ACAD10: variants seen among roughly 807,000 people sequenced by gnomAD.
ACAD10 encodes the protein acyl-CoA dehydrogenase family member 10.
Under a neutral mutation model 116.8 loss-of-function variants are expected in ACAD10, and 112 were observed. The observed-to-expected ratio is 0.96, with a 90% confidence interval of 0.82 to 1.12. The LOEUF (loss-of-function observed/expected upper bound fraction) is 1.12. ACAD10 is among the 50% of genes most tolerant of loss of function. ACAD10 has a pLI of 0.00. For synonymous variants in ACAD10, 486 were observed against 510.6 expected (o/e 0.95, Z 0.65); for missense variants, 1,259 against 1,350.2 (o/e 0.93, Z 1.06).
chr12:111,704,874 A>G (rs1888455022), intron 3 of ACAD10, among the ~76,000 whole-genome samples: 1 of 151,336 alleles, frequency 6.6e-6, no homozygotes, highest in South Asian at 2.1e-4. Flanking sequence ...TTTTTAGTAG[A>G]TAAGGGGTTT....
At chr12:111,707,517 G>A (rs1364220761) in intron 4 of ACAD10, among the ~76,000 whole-genome samples, 3 of 152,204 alleles carry the variant, frequency 2.0e-5, no homozygotes, top group South Asian at 4.1e-4. Flanking sequence ...GAGTTGTGAT[G>A]GATCAGAAGG....
chr12:111,692,850 C>T lies in ACAD10; in HGVS notation c.141C>T (p.Phe47=), dbSNP rs1039408402. 1.3e-5 allele frequency: 21 copies of T among 1,614,058 alleles called. No individual in the cohort carries two copies. In the Admixed American group the frequency reaches 1.3e-4, roughly 10 times the overall value. ...LGGSTYRAVI[F]DMGGVLIPSP... ...GCAGCACCTACAGAGCGGTGATTTT[C>T]GACATGGGCGGAGTTCTCATTCCTT... Residue 47 remains phenylalanine (F), a synonymous_variant, in exon 2 of 21, where the codon TTC becomes TTT. Transcript: ENST00000313698.
intron 4 of ACAD10, among the ~76,000 whole-genome samples, chr12:111,708,296 C>T (rs1027390815): frequency 2.0e-5 from 3 of 152,030 alleles, no homozygotes; most frequent in Non-Finnish European, 4.4e-5. Flanking sequence ...TGAGAGGAGC[C>T]GAATGCTTCC....
chr12:111,687,782 C>T (rs747289426), intron 1 of ACAD10, among the ~76,000 whole-genome samples: 8 of 152,126 alleles, frequency 5.3e-5, no homozygotes, highest in Non-Finnish European at 1.0e-4. Context: ...CTCAGGATTT[C>T]ACAGGTAGTA....
At chr12:111,693,059 T>C in intron 2 of ACAD10, 163 bp downstream of exon 2, 1 of 694,038 alleles carries the variant, frequency 1.4e-6, no homozygotes, top group Non-Finnish European at 2.4e-6. Context: ...GCTGAGTGTC[T>C]TGGGCGCATG....
At chr12:111,730,638 C>T (rs748794592) in intron 10 of ACAD10, among the ~76,000 whole-genome samples, 1 of 151,998 alleles carries the variant, frequency 6.6e-6, no homozygotes, top group Non-Finnish European at 1.5e-5. Flanking sequence ...CACCTGGAGA[C>T]CTGCTTTTGA....
intron 6 of ACAD10, among the ~76,000 whole-genome samples, chr12:111,713,310 C>T (rs548623992): frequency 1.8e-4 from 26 of 144,772 alleles, no homozygotes; most frequent in Admixed American, 1.0e-3. Context: ...GACTCCATCT[C>T]GGGGGGAAAA....
At chr12:111,717,587 A>G (rs1029920259) in intron 7 of ACAD10, among the ~76,000 whole-genome samples, 5 of 144,542 alleles carry the variant, frequency 3.5e-5, no homozygotes, top group African/African-American at 1.0e-4. Flanking sequence ...TTTTTTTTTT[A>G]GGCAGAGTGT....
chr12:111,742,973 C>T (rs1378412485), intron 12 of ACAD10, among the ~76,000 whole-genome samples: 1 of 152,078 alleles, frequency 6.6e-6, no homozygotes, highest in East Asian at 1.9e-4. Flanking sequence ...TCCCAAAGTG[C>T]TGGGGTTACA....
At chr12:111,697,422 G>A (rs1263711416) in intron 2 of ACAD10, among the ~76,000 whole-genome samples, 4 of 146,944 alleles carry the variant, frequency 2.7e-5, no homozygotes, top group Non-Finnish European at 4.5e-5. Context: ...GTGCAGTGGC[G>A]TGATCTTGGC....
chr12:111,709,565 C>T lies in ACAD10; in HGVS notation c.571C>T (p.Pro191Ser). The T allele has an allele frequency of 6.2e-7, 1 of 1,612,322 alleles. No homozygotes were observed. Among genetic ancestry groups the T allele is most frequent in the Non-Finnish European group, 8.5e-7 (1 of 1,179,398 alleles). The change falls in exon 5 of 21, where the codon CCT becomes TCT. Residue 191 changes from proline (P) to serine (S), a missense_variant. Physicochemically the swap from Pro to Ser is moderately conservative, Grantham distance 74 (BLOSUM62 -1). Transcript: ENST00000313698. Reference protein sequence around the residue: ...SCMEGICKPDPRIYKLCLEQL... With the variant: ...SCMEGICKPDSRIYKLCLEQL... ...CATGGAAGGGATCTGTAAGCCAGAC[C>T]CTAGGATCTACAAGCTGTGCTTGGA... is the stretch of plus-strand genomic sequence containing the variant.
intron 18 of ACAD10, among the ~76,000 whole-genome samples, chr12:111,750,623 G>C (rs1359554872): frequency 6.6e-6 from 1 of 152,086 alleles, no homozygotes; most frequent in Non-Finnish European, 1.5e-5. Flanking sequence ...CAGACACCAG[G>C]GAGATCCCAT....
At chr12:111,715,138 G>C (rs904051092) in intron 6 of ACAD10, among the ~76,000 whole-genome samples, 2 of 152,256 alleles carry the variant, frequency 1.3e-5, no homozygotes, top group African/African-American at 4.8e-5. Context: ...CCTCTGCACA[G>C]CTGAGGCGCC....
chr12:111,729,320 C>T (rs1243965785), intron 9 of ACAD10, among the ~76,000 whole-genome samples: 1 of 152,198 alleles, frequency 6.6e-6, no homozygotes, highest in Non-Finnish European at 1.5e-5. Flanking sequence ...TCACTTCAAC[C>T]TCCGCCTCCT....
intron 2 of ACAD10, among the ~76,000 whole-genome samples, chr12:111,697,483 C>T (rs557980567): frequency 1.3e-5 from 2 of 151,166 alleles, no homozygotes; most frequent in East Asian, 2.0e-4. Flanking sequence ...GCCTCAGCCT[C>T]CCAAGTAGCT....
At position 111,756,615 on chromosome 12, in the gene ACAD10, A is replaced by C. The variant is rs757805126; in HGVS notation, c.*142A>C. On this transcript the variant is annotated 3_prime_UTR_variant, in exon 21 of 21. Coordinates refer to ENST00000313698, the MANE Select transcript of ACAD10 (RefSeq NM_025247.6). The stretch of plus-strand genomic sequence containing the variant: ...GTCCCGGGACAGTCAGGGTGGACTC[A>C]ATCTTTCTGGTTCTCCACAGAAGAC... 20 of 1,314,374 alleles carry C rather than the reference A, an allele frequency of 1.5e-5. No homozygotes were observed. 81.4% of individuals were successfully genotyped at this position (1,314,374 alleles called of 1,614,324 possible).
At chr12:111,723,166 G>A (rs1417213097) in intron 8 of ACAD10, among the ~76,000 whole-genome samples, 34 of 138,206 alleles carry the variant, frequency 2.5e-4, no homozygotes, top group Non-Finnish European at 3.8e-4. Context: ...CCTCCCTCCC[G>A]GACGGGGCGG....
At chr12:111,700,748 CTTTT>C (rs750378233) in intron 2 of ACAD10, among the ~76,000 whole-genome samples, 17 of 89,936 alleles carry the variant, frequency 1.9e-4, no homozygotes, top group Non-Finnish European at 3.1e-4. Context: ...CCTTCCTCTT[CTTTT>C]TTTTTTTTTT....
At position 111,748,323 on chromosome 12, in the gene ACAD10, T is replaced by C. The variant is rs773055296; in HGVS notation, c.2492T>C (p.Leu831Pro). 2 of 1,614,134 alleles carry C rather than the reference T, an allele frequency of 1.2e-6. No homozygotes were observed. The highest frequency in any genetic ancestry group is 1.7e-5 in the Admixed American group (1 of 60,020). Residue 831 changes from leucine (L) to proline (P), a missense_variant, in exon 17 of 21, where the codon CTG (leucine) becomes CCG (proline). Coordinates refer to ENST00000313698, the MANE Select transcript of ACAD10 (RefSeq NM_025247.6). ...NGHKWWITGI[L>P]DPRCQLCVFM... Reference sequence around the variant, plus strand: ...CTCTCTCCTTTCCTGGCAGGCATCCTGGATCCTCGTTGCCAACTCTGTGTG... The same window carrying C: ...CTCTCTCCTTTCCTGGCAGGCATCCCGGATCCTCGTTGCCAACTCTGTGTG...
Sources: gnomAD v4.1 joint callset for allele counts (sites outside exome capture counted in the v4.1 genomes callset) on GRCh38, gnomAD v4.1.1 for gene constraint, MANE v1.5 for transcripts, NCBI Gene and HGNC (gene_info 2026-07-23, HGNC 2026-07-21) for gene names.